The following CCSER2 variants were observed in gnomAD, a reference collection of about 807,000 sequenced individuals.
The protein encoded by CCSER2 is coiled-coil serine rich protein 2, also known as serine-rich coiled-coil domain-containing protein 2.
CCSER2 carries 46 observed loss-of-function variants against 92.3 expected under a neutral mutation model. The observed-to-expected ratio is 0.50, with a 90% confidence interval of 0.39 to 0.64. The LOEUF is 0.64. Ranked by LOEUF, CCSER2 falls within the 30% of genes least tolerant of loss-of-function variation. CCSER2 has a pLI of 0.00. For missense variants in CCSER2, 1,244 were observed against 1,238.9 expected (o/e 1.00, Z -0.06); for synonymous variants, 433 against 431.4 (o/e 1.00, Z -0.04).
At chr10:84,477,715 G>A (rs757629733) in intron 9 of CCSER2, 51 bp downstream of exon 9, 4 of 997,572 alleles carry the variant, frequency 4.0e-6, no homozygotes, top group Non-Finnish European at 6.2e-6. Flanking sequence ...CTATTTTGAT[G>A]TTTTATTTCA....
At chr10:84,374,281 G>C (rs1589475865) in intron 3 of CCSER2, among the ~76,000 whole-genome samples, 1 of 152,112 alleles carries the variant, frequency 6.6e-6, no homozygotes, top group Admixed American at 6.6e-5. Flanking sequence ...ACCTTGGCCT[G>C]TGCTATACTG....
At chr10:84,424,386 A>G (rs1040672239) in intron 4 of CCSER2, among the ~76,000 whole-genome samples, 1 of 152,108 alleles carries the variant, frequency 6.6e-6, no homozygotes, top group Non-Finnish European at 1.5e-5. Context: ...CTTTTTTCAC[A>G]TTATTAAATG....
intron 1 of CCSER2, among the ~76,000 whole-genome samples, chr10:84,330,475 A>T: frequency 6.6e-6 from 1 of 152,156 alleles, no homozygotes; most frequent in Non-Finnish European, 1.5e-5. Context: ...CTGGTAGTTA[A>T]TGATTTGTTT....
At chr10:84,330,269 C>T (rs1257294768) in intron 1 of CCSER2, among the ~76,000 whole-genome samples, 1 of 152,220 alleles carries the variant, frequency 6.6e-6, no homozygotes, top group African/African-American at 2.4e-5. Flanking sequence ...CCTGCCCTCT[C>T]TATATAAGAC....
At chr10:84,367,522 G>A (rs1238562137) in intron 1 of CCSER2, among the ~76,000 whole-genome samples, 2 of 151,900 alleles carry the variant, frequency 1.3e-5, no homozygotes, top group East Asian at 3.9e-4. Context: ...GACAACAGGT[G>A]TGTGCCACCA....
chr10:84,351,142 G>A (rs1248838292), intron 1 of CCSER2, among the ~76,000 whole-genome samples: 1 of 152,178 alleles, frequency 6.6e-6, no homozygotes, highest in Non-Finnish European at 1.5e-5. Flanking sequence ...AGCTGACTCT[G>A]TGTGTGTAGA....
chr10:84,401,070 G>A (rs1044766314), intron 3 of CCSER2, among the ~76,000 whole-genome samples: 1 of 152,106 alleles, frequency 6.6e-6, no homozygotes, highest in Non-Finnish European at 1.5e-5. Flanking sequence ...GCAGTGCTTA[G>A]AAGGAAATTT....
intron 9 of CCSER2, among the ~76,000 whole-genome samples, chr10:84,496,982 T>G (rs1278356644): frequency 6.6e-6 from 1 of 152,178 alleles, no homozygotes; most frequent in Non-Finnish European, 1.5e-5. Context: ...CCCTGTTCTA[T>G]TAAATGCTGA....
intron 6 of CCSER2, among the ~76,000 whole-genome samples, chr10:84,448,864 G>T (rs770706079): frequency 2.0e-5 from 3 of 151,970 alleles, no homozygotes; most frequent in Non-Finnish European, 4.4e-5. Context: ...TTTTTTACTC[G>T]CCTTAATGGT....
At chr10:84,419,628 C>T (rs1052955562) in intron 4 of CCSER2, among the ~76,000 whole-genome samples, 18 of 152,158 alleles carry the variant, frequency 1.2e-4, no homozygotes, top group African/African-American at 4.1e-4. Context: ...GAGAATGTTA[C>T]ACCTTTTTGT....
In CCSER2 at chr10:84,405,006, C is replaced by G. The variant is rs553937529; in HGVS notation, c.1615-12765C>G. 1.2e-3 allele frequency among the ~76,000 whole-genome samples: 180 copies of G among 152,176 alleles called. 1 individual carries two copies. Among genetic ancestry groups the G allele is most frequent in the Non-Finnish European group, 1.8e-3 (121 of 67,992 alleles). ...AAGTGATGCAATACCAATCAGAATC[C>G]CAGCAGGAGTACCAATATGTTTTGT... is the stretch of plus-strand genomic sequence containing the variant. On this transcript the variant is annotated intron_variant, in intron 3 of 9. Coordinates refer to ENST00000372088, the MANE Select transcript of CCSER2 (RefSeq NM_001284240.2).
chr10:84,356,769 C>T (rs1845196098), intron 1 of CCSER2, among the ~76,000 whole-genome samples: 1 of 152,102 alleles, frequency 6.6e-6, no homozygotes, highest in East Asian at 1.9e-4. Context: ...TAAACAGGAA[C>T]CTATGAATAG....
intron 9 of CCSER2, among the ~76,000 whole-genome samples, chr10:84,489,129 T>A (rs188850789): frequency 2.6e-5 from 4 of 152,366 alleles, no homozygotes; most frequent in Admixed American, 1.3e-4. Context: ...TCTGTTCTTT[T>A]ACATTTGCTG....
At chr10:84,394,611 A>G (rs1392174529) in intron 3 of CCSER2, among the ~76,000 whole-genome samples, 3 of 152,140 alleles carry the variant, frequency 2.0e-5, no homozygotes, top group Admixed American at 2.0e-4. Context: ...TGCTGAGTAT[A>G]GGGTATGGGG....
intron 9 of CCSER2, chr10:84,507,158 A>G (rs1849101201): frequency 6.0e-6 from 1 of 166,286 alleles, no homozygotes; most frequent in Admixed American, 6.5e-5. Flanking sequence ...AATAATGCCT[A>G]GGAAAACACA....
chr10:84,342,863 T>C (rs1844275162), intron 1 of CCSER2, among the ~76,000 whole-genome samples: 1 of 152,176 alleles, frequency 6.6e-6, no homozygotes, highest in African/African-American at 2.4e-5. Flanking sequence ...CAAAGCATCG[T>C]TCTCCTGTTT....
In CCSER2 at chr10:84,484,490, CGTGTGT is replaced by C. The variant is rs143391336; in HGVS notation, c.2325+6847_2325+6852del. ...GACGTTGCATGCATGTGTGCATGCACGTGTGTGTGTGTGTGTGTGTGTGTGTTTCAA... is the reference window on the plus strand; with the variant it reads ...GACGTTGCATGCATGTGTGCATGCACGTGTGTGTGTGTGTGTGTGTTTCAA... On this transcript the variant is annotated intron_variant, in intron 9 of 9. Transcript: ENST00000372088. Among the ~76,000 whole-genome samples, 53 of 147,396 alleles carry C rather than the reference CGTGTGT, an allele frequency of 3.6e-4. 1 individual carries two copies. In the South Asian group the frequency reaches 4.7e-3, roughly 13 times the overall value.
At chr10:84,479,552 A>G (rs369663830) in intron 9 of CCSER2, among the ~76,000 whole-genome samples, 4 of 152,230 alleles carry the variant, frequency 2.6e-5, no homozygotes, top group African/African-American at 4.8e-5. Flanking sequence ...AAGGAGGAAA[A>G]GCAGATATTC....
chr10:84,376,754 A>T (rs908892724), intron 3 of CCSER2, among the ~76,000 whole-genome samples: 2 of 152,136 alleles, frequency 1.3e-5, no homozygotes, highest in Non-Finnish European at 1.5e-5. Context: ...ATGGATAAAG[A>T]TGCTGTCAGT....
Sources: gnomAD v4.1 joint callset for allele counts (sites outside exome capture counted in the v4.1 genomes callset) on GRCh38, gnomAD v4.1.1 for gene constraint, MANE v1.5 for transcripts, NCBI Gene and HGNC (gene_info 2026-07-23, HGNC 2026-07-21) for gene names.